The following CNTNAP2 variants were observed in gnomAD, a reference collection of about 807,000 sequenced individuals.
CNTNAP2 encodes the protein contactin-associated protein-like 2.
CNTNAP2 carries 98 observed loss-of-function variants against 155.2 expected under a neutral mutation model. The observed-to-expected ratio is 0.63, with a 90% confidence interval of 0.54 to 0.75. The LOEUF (loss-of-function observed/expected upper bound fraction) is 0.75, where lower values mean the gene tolerates loss of function less well. CNTNAP2 is among the 30% of genes least tolerant of loss of function. CNTNAP2 has a pLI of 0.00. For synonymous variants in CNTNAP2, 651 were observed against 631.2 expected, an observed-to-expected ratio of 1.03 and a Z score of -0.47; for missense variants, 1,727 against 1,688.1, an observed-to-expected ratio of 1.02 and a Z score of -0.40.
At position 146,249,924 on chromosome 7, in the gene CNTNAP2, G is replaced by A. The variant is rs569509162; in HGVS notation, c.97+132951G>A. ...AAGAAATTTAAATTTTGAATGCTACGTCTTAGGGCTCTATGCAGTGAAACA... is the reference window on the plus strand; with the variant it reads ...AAGAAATTTAAATTTTGAATGCTACATCTTAGGGCTCTATGCAGTGAAACA... On this transcript the variant is annotated intron_variant, in intron 1 of 23. Coordinates refer to ENST00000361727, the MANE Select transcript of CNTNAP2 (RefSeq NM_014141.6). Among the ~76,000 whole-genome samples the A allele has an allele frequency of 5.3e-4, 80 of 151,904 alleles. No homozygotes were observed. The Middle Eastern group carries it at 0.014, about 26-fold the overall frequency.
At chr7:146,722,813 G>A (rs1044162295) in intron 1 of CNTNAP2, among the ~76,000 whole-genome samples, 2 of 151,974 alleles carry the variant, frequency 1.3e-5, no homozygotes, top group African/African-American at 2.4e-5. Flanking sequence ...TCAGGAGTTC[G>A]AGACCAGCTT....
intron 12 of CNTNAP2, among the ~76,000 whole-genome samples, chr7:147,609,946 T>C (rs1801150616): frequency 6.6e-6 from 1 of 151,910 alleles, no homozygotes; most frequent in Non-Finnish European, 1.5e-5. Context: ...GAGTGCAGGG[T>C]TCACCTCCAG....
intron 1 of CNTNAP2, among the ~76,000 whole-genome samples, chr7:146,386,766 A>G (rs574555757): frequency 2.6e-5 from 4 of 152,270 alleles, no homozygotes; most frequent in African/African-American, 9.6e-5. Context: ...TTTTCTCTGT[A>G]TCATTAGTTC....
intron 13 of CNTNAP2, among the ~76,000 whole-genome samples, chr7:147,725,095 C>G (rs980228123): frequency 1.3e-5 from 2 of 151,990 alleles, no homozygotes; most frequent in African/African-American, 4.8e-5. Flanking sequence ...CCAAGACTCT[C>G]CCACTCCAGC....
chr7:146,385,086 A>G (rs1401910482), intron 1 of CNTNAP2, among the ~76,000 whole-genome samples: 2 of 152,170 alleles, frequency 1.3e-5, no homozygotes, highest in African/African-American at 2.4e-5. Context: ...GCTGAACTCA[A>G]CTTTTCACTG....
intron 11 of CNTNAP2, among the ~76,000 whole-genome samples, chr7:147,558,314 A>G (rs1386966230): frequency 6.6e-6 from 1 of 152,104 alleles, no homozygotes; most frequent in Non-Finnish European, 1.5e-5. Context: ...CATATGTACA[A>G]TTTTACTGTA....
chr7:148,040,920 T>A (rs1687541461), intron 15 of CNTNAP2, among the ~76,000 whole-genome samples: 1 of 152,024 alleles, frequency 6.6e-6, no homozygotes, highest in South Asian at 2.1e-4. Context: ...GGCAGGAGGA[T>A]CATTGGAGGC....
At chr7:148,302,335 A>C (rs1797405316) in intron 21 of CNTNAP2, among the ~76,000 whole-genome samples, 1 of 152,160 alleles carries the variant, frequency 6.6e-6, no homozygotes. Flanking sequence ...GAACTTGGTT[A>C]GGGGAGAGGA....
At chr7:147,312,127 T>C (rs1178766554) in intron 9 of CNTNAP2, among the ~76,000 whole-genome samples, 1 of 152,122 alleles carries the variant, frequency 6.6e-6, no homozygotes, top group Non-Finnish European at 1.5e-5. Context: ...AATAGAGCTT[T>C]TGCTGAACTC....
chr7:146,284,378 A>G (rs1049156796), intron 1 of CNTNAP2, among the ~76,000 whole-genome samples: 1 of 151,872 alleles, frequency 6.6e-6, no homozygotes, highest in South Asian at 2.1e-4. Flanking sequence ...AATATATTAT[A>G]TATTAAATTA....
intron 13 of CNTNAP2, among the ~76,000 whole-genome samples, chr7:147,745,459 C>T (rs1797022809): frequency 6.6e-6 from 1 of 152,192 alleles, no homozygotes; most frequent in Admixed American, 6.5e-5. Context: ...CTTCAACCTA[C>T]ACATCCCTGT....
At chr7:146,362,709 A>G (rs1344174466) in intron 1 of CNTNAP2, among the ~76,000 whole-genome samples, 1 of 150,992 alleles carries the variant, frequency 6.6e-6, no homozygotes, top group Non-Finnish European at 1.5e-5. Flanking sequence ...TAGGTAGGGG[A>G]GTGACACAAA....
chr7:148,321,761 C>T (rs1046817895), intron 21 of CNTNAP2, among the ~76,000 whole-genome samples: 1 of 152,000 alleles, frequency 6.6e-6, no homozygotes, highest in Admixed American at 6.6e-5. Context: ...AAACTTGCTT[C>T]GATGCACTGT....
intron 1 of CNTNAP2, among the ~76,000 whole-genome samples, chr7:146,644,092 TC>T (rs1799765087): frequency 6.6e-6 from 1 of 152,228 alleles, no homozygotes; most frequent in Admixed American, 6.5e-5. Context: ...AGATATACAA[TC>T]ATGTCGTCTG....
chr7:148,009,631 T>C (rs1335200764), intron 15 of CNTNAP2, among the ~76,000 whole-genome samples: 2 of 152,166 alleles, frequency 1.3e-5, no homozygotes, highest in African/African-American at 4.8e-5. Flanking sequence ...CCTCTTTGTG[T>C]GTGTATGTGT....
At chr7:146,526,227 A>T (rs1013189375) in intron 1 of CNTNAP2, among the ~76,000 whole-genome samples, 4 of 152,170 alleles carry the variant, frequency 2.6e-5, no homozygotes, top group African/African-American at 9.7e-5. Context: ...AACATATTTG[A>T]TGATGTGCAG....
chr7:148,338,264 A>AT (rs1297481062), intron 21 of CNTNAP2, among the ~76,000 whole-genome samples: 3 of 152,206 alleles, frequency 2.0e-5, no homozygotes, highest in Non-Finnish European at 4.4e-5. Flanking sequence ...TGGTGACTTA[A>AT]TTTTTTGGTT....
chr7:146,202,782 T>C (rs1798886896), intron 1 of CNTNAP2, among the ~76,000 whole-genome samples: 3 of 152,182 alleles, frequency 2.0e-5, no homozygotes, highest in Admixed American at 2.0e-4. Context: ...AATAATGAGT[T>C]CAACTATGAT....
chr7:147,269,652 A>G (rs1173038815), intron 8 of CNTNAP2, among the ~76,000 whole-genome samples: 1 of 152,200 alleles, frequency 6.6e-6, no homozygotes, highest in Non-Finnish European at 1.5e-5. Flanking sequence ...AGGACAATCA[A>G]GATTTTCCCG....
Sources: allele counts gnomAD v4.1 joint callset (sites outside exome capture counted in the v4.1 genomes callset), GRCh38; gene constraint gnomAD v4.1.1; transcripts MANE v1.5; gene names NCBI Gene and HGNC (gene_info 2026-07-23, HGNC 2026-07-21).